CD4: variants seen among roughly 807,000 people sequenced by gnomAD.
CD4 encodes the protein T-cell surface glycoprotein CD4.
A neutral mutation model predicts 50.5 loss-of-function variants in CD4; 25 were observed. The ratio of observed to expected loss-of-function variants is 0.49; its 90% CI spans 0.36 to 0.69. CD4 has a LOEUF of 0.69. Ranked by LOEUF, CD4 falls within the 30% of genes least tolerant of loss-of-function variation. CD4 has a pLI of 0.00. For synonymous variants in CD4, 207 were observed against 221.9 expected (o/e 0.93, Z 0.60); for missense variants, 456 against 548.5 (o/e 0.83, Z 1.68).
chr12:6,817,041 G>A, intron 6 of CD4, 89 bp from the exon 7 acceptor site: 2 of 1,141,004 alleles, frequency 1.8e-6, no homozygotes. Flanking sequence ...TGCTCTAAAA[G>A]GCTAAAAGAA....
chr12:6,812,412 G>A (rs1192454503), intron 3 of CD4, among the ~76,000 whole-genome samples: 1 of 152,140 alleles, frequency 6.6e-6, no homozygotes, highest in African/African-American at 2.4e-5. Flanking sequence ...GGGTGTGGTG[G>A]CTCACGCCTG....
Position 6,809,752 on chromosome 12 carries a change from G to A in CD4, c.215-4390G>A, listed in dbSNP as rs185800012. Among the ~76,000 whole-genome samples the A allele has an allele frequency of 2.4e-4, 36 of 152,220 alleles. No homozygotes were observed. In the East Asian group the frequency reaches 5.2e-3, roughly 22 times the overall value. The stretch of plus-strand genomic sequence containing the variant: ...TCTGCAGGACGTTCACCCTCTCAGC[G>A]CCACTGCTCAGTTTCCCAGTGGAAA... On this transcript the variant is annotated intron_variant, in intron 3 of 9. Transcript: ENST00000011653.
Position 6,792,550 on chromosome 12 carries a change from C to T in CD4, c.-68+2888C>T, listed in dbSNP as rs1942191136. ...CTCTCCCACATCTTTCCCTCCCCTC[C>T]TCCCTTGAGGCTCTGTGCATTCTGG... On this transcript the variant is annotated intron_variant, in intron 1 of 9. Coordinates refer to ENST00000011653, the MANE Select transcript of CD4 (RefSeq NM_000616.5). The surrounding 1 kb of genome is among the most constrained non-coding windows in gnomAD (Gnocchi z 4.1). Among the ~76,000 whole-genome samples the T allele has an allele frequency of 1.3e-5, 2 of 152,174 alleles. No individual in the cohort carries two copies. The highest frequency in any genetic ancestry group is 1.3e-4 in the Admixed American group (2 of 15,270).
chr12:6,813,222 T>TC (rs1332917102), intron 3 of CD4, among the ~76,000 whole-genome samples: 52 of 112,162 alleles, frequency 4.6e-4, no homozygotes, highest in African/African-American at 2.5e-3. Context: ...TAAAAAAAAT[T>TC]TTTTTTTTTT....
rs200954626 is a variant in CD4 at position 6,816,036 on chromosome 12, C to T, written c.608-20C>T. On this transcript the variant is annotated intron_variant, in intron 5 of 9. Coordinates refer to ENST00000011653, the MANE Select transcript of CD4 (RefSeq NM_000616.5). The surrounding 1 kb of genome is among the most constrained non-coding windows in gnomAD (Gnocchi z 4.9). ...ATCTTCCTATCTCCTCACCCAGGGT[C>T]TCTCCCTTCCCACCTCCAGCTTTCC... The T allele has an allele frequency of 6.2e-7, 1 of 1,613,872 alleles. No homozygotes were observed. The highest frequency in any genetic ancestry group is 8.5e-7 in the Non-Finnish European group (1 of 1,179,958).
rs782301761 is a variant in CD4 at position 6,815,011 on chromosome 12, C to G, written c.607+19C>G. ...GTGCTAGGTAAGGGAAGCCCCTCTTCGCGCAGTCTCCTCCCTGCCCCAGGG... is the reference window on the plus strand; with the variant it reads ...GTGCTAGGTAAGGGAAGCCCCTCTTGGCGCAGTCTCCTCCCTGCCCCAGGG... On this transcript the variant is annotated intron_variant, in intron 5 of 9. Transcript: ENST00000011653. 6.5e-7 allele frequency: 1 copy of G among 1,538,196 alleles called. No homozygotes were observed. The highest frequency in any genetic ancestry group is 1.4e-5 in the African/African-American group (1 of 73,202).
intron 7 of CD4, among the ~76,000 whole-genome samples, chr12:6,817,763 TAC>T (rs1297993193): frequency 1.8e-5 from 2 of 109,802 alleles, no homozygotes; most frequent in East Asian, 2.9e-4. Context: ...ATACACACAC[TAC>T]ACACACATCC....
intron 3 of CD4, among the ~76,000 whole-genome samples, chr12:6,806,476 A>G (rs1238346799): frequency 1.3e-5 from 2 of 152,068 alleles, no homozygotes; most frequent in Non-Finnish European, 2.9e-5. Context: ...GAGACCCTAT[A>G]TCAAAAAAGA....
chr12:6,817,743 G>C (rs782256890), intron 7 of CD4, among the ~76,000 whole-genome samples: 1 of 131,096 alleles, frequency 7.6e-6, no homozygotes, highest in African/African-American at 3.2e-5. Flanking sequence ...TCACACACTC[G>C]CACACACTCA....
At chr12:6,803,192 C>T (rs1197959473) in intron 3 of CD4, among the ~76,000 whole-genome samples, 2 of 152,082 alleles carry the variant, frequency 1.3e-5, no homozygotes, top group African/African-American at 2.4e-5. Flanking sequence ...ATTTGGACGC[C>T]TAGGCTGGAG....
chr12:6,812,771 T>TTG (rs782347075), intron 3 of CD4, among the ~76,000 whole-genome samples: 3,527 of 57,494 alleles, frequency 0.061, 41 homozygotes, highest in Admixed American at 0.08. Context: ...AAGGTTATTT[T>TTG]TGTGTGTGTG....
chr12:6,817,675 T>C lies in CD4; in HGVS notation c.1156+345T>C, dbSNP rs146914653. Reference sequence around the variant, plus strand: ...GCACTTACACACACACTCACACACATACACTCTCACACACATGCACACACT... The same window carrying C: ...GCACTTACACACACACTCACACACACACACTCTCACACACATGCACACACT... On this transcript the variant is annotated intron_variant, in intron 7 of 9. Transcript: ENST00000011653. Among the ~76,000 whole-genome samples the C allele has an allele frequency of 8.6e-5, 13 of 151,168 alleles. No individual in the cohort carries two copies. In the East Asian group the frequency reaches 2.5e-3, roughly 29 times the overall value.
rs201791740 is a variant in CD4, at chr12:6,817,229, C to T, written c.1055C>T (p.Ser352Leu). 7.4e-6 allele frequency: 12 copies of T among 1,613,006 alleles called. No individual in the cohort carries two copies. The highest frequency in any genetic ancestry group is 5.3e-5 in the African/African-American group (4 of 74,874). Residue 352 changes from serine to leucine, a missense_variant, in exon 7 of 10, where the codon TCG becomes TTG. Transcript: ENST00000011653. The stretch of plus-strand genomic sequence containing the variant: ...CTGGAGAACAAGGAGGCAAAGGTCT[C>T]GAAGCGGGAGAAGGCGGTGTGGGTG... ...LKLENKEAKV[S>L]KREKAVWVLN...
chr12:6,814,149 C>A lies in CD4; in HGVS notation c.222C>A (p.Ser74=), dbSNP rs1943021130. 1 of 1,613,704 alleles carries A rather than the reference C, an allele frequency of 6.2e-7. No individual in the cohort carries two copies. The highest frequency in any genetic ancestry group is 1.3e-5 in the African/African-American group (1 of 74,874). ...NQGSFLTKGP[S]KLNDRADSRR... Reference sequence around the variant, plus strand: ...TATGTCTTCTGCTCCCAGGTCCATCCAAGCTGAATGATCGCGCTGACTCAA... The same window carrying A: ...TATGTCTTCTGCTCCCAGGTCCATCAAAGCTGAATGATCGCGCTGACTCAA... The change falls in exon 4 of 10, where the codon TCC becomes TCA. Residue 74 remains serine (S), a synonymous_variant. Coordinates refer to ENST00000011653, the MANE Select transcript of CD4 (RefSeq NM_000616.5).
At chr12:6,806,411 G>A (rs1166294270) in intron 3 of CD4, among the ~76,000 whole-genome samples, 8 of 152,042 alleles carry the variant, frequency 5.3e-5, no homozygotes, top group Admixed American at 4.6e-4. Flanking sequence ...ACTGAGCCAG[G>A]GAGGCAGAGG....
rs531303807 is a variant in CD4, at chr12:6,796,771, CA to C, written c.-67-3300del. On this transcript the variant is annotated intron_variant, in intron 1 of 9. Transcript: ENST00000011653. ...TTGTCATGAAAGGATCACTTGAGCC[CA>C]GGAGTTCCAGGCTGCAATGACCTAT... 3.3e-5 allele frequency among the ~76,000 whole-genome samples: 5 copies of C among 152,306 alleles called. No homozygotes were observed. In the South Asian group the frequency reaches 1.0e-3, roughly 32 times the overall value.
Position 6,814,938 on chromosome 12 carries a change from A to G in CD4, c.553A>G (p.Thr185Ala), listed in dbSNP as rs782301334. The change falls in exon 5 of 10, where the codon ACT (threonine) becomes GCT (alanine). Residue 185 changes from threonine (T) to alanine (A), a missense_variant. Physicochemically the swap from Thr to Ala is moderately conservative, Grantham distance 58 (BLOSUM62 0). Coordinates refer to ENST00000011653, the MANE Select transcript of CD4 (RefSeq NM_000616.5). ...CCAGGATAGTGGCACCTGGACATGCACTGTCTTGCAGAACCAGAAGAAGGT... is the reference window on the plus strand; with the variant it reads ...CCAGGATAGTGGCACCTGGACATGCGCTGTCTTGCAGAACCAGAAGAAGGT... ...ELQDSGTWTC[T>A]VLQNQKKVEF... The G allele has an allele frequency of 6.2e-7, 1 of 1,613,600 alleles. No individual in the cohort carries two copies. The highest frequency in any genetic ancestry group is 1.1e-5 in the South Asian group (1 of 91,050).
At chr12:6,797,883 G>A (rs905232202) in intron 1 of CD4, among the ~76,000 whole-genome samples, 1 of 152,144 alleles carries the variant, frequency 6.6e-6, no homozygotes, top group Non-Finnish European at 1.5e-5. Context: ...TCCCAGGGAC[G>A]AGCAGGAGAC....
chr12:6,807,588 T>C (rs1261946369), intron 3 of CD4, among the ~76,000 whole-genome samples: 1 of 152,078 alleles, frequency 6.6e-6, no homozygotes, highest in Non-Finnish European at 1.5e-5. Flanking sequence ...GGAAGGGGTA[T>C]GGCTACAAAA....
Sources: gnomAD v4.1 joint callset for allele counts (sites outside exome capture counted in the v4.1 genomes callset) on GRCh38, gnomAD v4.1.1 for gene constraint, Gnocchi (gnomAD v3.1) non-coding constraint, MANE v1.5 for transcripts, NCBI Gene and HGNC (gene_info 2026-07-23, HGNC 2026-07-21) for gene names.